The following MAPK8IP1 variants were observed in gnomAD, a reference collection of about 807,000 sequenced individuals.
MAPK8IP1 encodes mitogen-activated protein kinase 8 interacting protein 1, also known as C-Jun-amino-terminal kinase-interacting protein 1.
MAPK8IP1 carries 17 observed loss-of-function variants against 72.6 expected under a neutral mutation model. The observed-to-expected ratio is 0.23, with a 90% CI of 0.16 to 0.35. The LOEUF is 0.35. MAPK8IP1 is among the 10% of genes least tolerant of loss of function. The probability of loss-of-function intolerance (pLI) is 1.00; values close to 1 mark genes in which losing one functional copy is unlikely to be tolerated. For synonymous variants in MAPK8IP1, 401 were observed against 443.4 expected, an observed-to-expected ratio of 0.90 and a Z score of 1.20; for missense variants, 789 against 1,009.7, an observed-to-expected ratio of 0.78 and a Z score of 2.96.
chr11:45,887,815 C>T (rs2086538938), intron 1 of MAPK8IP1, among the ~76,000 whole-genome samples: 2 of 152,344 alleles, frequency 1.3e-5, no homozygotes, highest in African/African-American at 2.4e-5. Flanking sequence ...GAATAATAAG[C>T]GTCAGTGTCT....
rs760261941 is a variant in MAPK8IP1, at chr11:45,885,953, C to T, written c.101+32C>T. ...GTCCCCGGCCGCCGCGCGCCTCGCCCTTCAGCGGGGACTGATCCGCATTGG... is the reference window on the plus strand; with the variant it reads ...GTCCCCGGCCGCCGCGCGCCTCGCCTTTCAGCGGGGACTGATCCGCATTGG... On this transcript the variant is annotated intron_variant, in intron 1 of 11. Coordinates refer to ENST00000241014, the MANE Select transcript of MAPK8IP1 (RefSeq NM_005456.4). 5.7e-6 allele frequency: 8 copies of T among 1,407,152 alleles called. No individual in the cohort carries two copies. The African/African-American group carries it at 1.0e-4, about 18-fold the overall frequency. 87.2% of individuals were successfully genotyped at this position (1,407,152 alleles called of 1,614,324 possible).
chr11:45,895,632 A>AT (rs2086598672), intron 1 of MAPK8IP1, among the ~76,000 whole-genome samples: 7 of 28,600 alleles, frequency 2.4e-4, no homozygotes, highest in African/African-American at 5.4e-4. Context: ...AAAAAAAAAA[A>AT]AATATATATA....
chr11:45,888,037 G>A (rs2086540980), intron 1 of MAPK8IP1, among the ~76,000 whole-genome samples: 1 of 152,188 alleles, frequency 6.6e-6, no homozygotes, highest in Non-Finnish European at 1.5e-5. Context: ...GGGCACTTAA[G>A]CCCTCTGAGC....
Position 45,903,507 on chromosome 11 carries a change from T to A in MAPK8IP1, c.1493+67T>A. ...TGGGCCACACACCACCCTCTACTTG[T>A]CACCCCTACATGGCCTCAGCCTAAC... On this transcript the variant is annotated intron_variant, in intron 6 of 11. Coordinates refer to ENST00000241014, the MANE Select transcript of MAPK8IP1 (RefSeq NM_005456.4). The surrounding 1 kb of genome is among the most constrained non-coding windows in gnomAD (Gnocchi z 6.4). 1 of 1,376,910 alleles carries A rather than the reference T, an allele frequency of 7.3e-7. No individual in the cohort carries two copies. The highest frequency in any genetic ancestry group is 1.0e-6 in the Non-Finnish European group (1 of 990,194). The allele number at this position is 1,376,910 out of a possible 1,614,324, so 85.3% of individuals were successfully genotyped here.
In MAPK8IP1 at chr11:45,902,806, C is replaced by T. The variant is rs550165614; in HGVS notation, c.1039C>T (p.Pro347Ser). The T allele has an allele frequency of 2.5e-6, 4 of 1,586,002 alleles. No individual in the cohort carries two copies. Among genetic ancestry groups the T allele is most frequent in the Non-Finnish European group, 3.4e-6 (4 of 1,168,772 alleles). The change falls in exon 5 of 12, where the codon CCC (proline) becomes TCC (serine). Residue 347 changes from proline (P) to serine (S), a missense_variant. Coordinates refer to ENST00000241014, the MANE Select transcript of MAPK8IP1 (RefSeq NM_005456.4). The surrounding 1 kb of genome is among the most constrained non-coding windows in gnomAD (Gnocchi z 9.3). ...CCTGTCGTCCCCAGAGCGGGCTGAG[C>T]CCCCAGGCGGAGGGTGGCGGGGGAG... ...DCLSSPERAE[P>S]PGGGWRGSLG...
At chr11:45,897,424 G>C (rs1285533246) in intron 1 of MAPK8IP1, among the ~76,000 whole-genome samples, 2 of 152,198 alleles carry the variant, frequency 1.3e-5, no homozygotes, top group East Asian at 1.9e-4. Context: ...GGCTTCTCCT[G>C]ACCCCATCTG....
At position 45,900,503 on chromosome 11, in the gene MAPK8IP1, G is replaced by C. The variant is rs924407027; in HGVS notation, c.522+51G>C. 30 of 1,521,880 alleles carry C rather than the reference G, an allele frequency of 2.0e-5. No homozygotes were observed. The highest frequency in any genetic ancestry group is 2.3e-5 in the Non-Finnish European group (26 of 1,139,956). The allele number at this position is 1,521,880 out of a possible 1,614,324, so 94.3% of individuals were successfully genotyped here. A position where few individuals can be genotyped will look rare whatever the true frequency, so the allele number is the denominator to read the frequency against. On this transcript the variant is annotated intron_variant, in intron 3 of 11. Transcript: ENST00000241014. The surrounding 1 kb of genome is among the most constrained non-coding windows in gnomAD (Gnocchi z 6.5). Reference sequence around the variant, plus strand: ...GCCCTGGGCCGCCGCGGAGATGTGAGGGGGAGCGCAGAGGGGCTGCAGCGG... The same window carrying C: ...GCCCTGGGCCGCCGCGGAGATGTGACGGGGAGCGCAGAGGGGCTGCAGCGG...
chr11:45,905,414 G>A (rs555177351), intron 11 of MAPK8IP1, among the ~76,000 whole-genome samples, 165 bp downstream of exon 11: 45 of 152,348 alleles, frequency 3.0e-4, no homozygotes, highest in African/African-American at 1.0e-3. Flanking sequence ...TGGCGCGGCA[G>A]GGTGAGCCTG....
At chr11:45,896,873 G>T in intron 1 of MAPK8IP1, 1 of 1,552,322 alleles carries the variant, frequency 6.4e-7, no homozygotes, top group Non-Finnish European at 8.7e-7. Context: ...GCCGGGCAGG[G>T]CTCTCCATGC....
At position 45,904,411 on chromosome 11, in the gene MAPK8IP1, C is replaced by T. The variant is rs77705826; in HGVS notation, c.1667-44C>T. 1.4e-4 allele frequency: 212 copies of T among 1,528,466 alleles called. No individual in the cohort carries two copies. In the African/African-American group the frequency reaches 2.7e-3, roughly 20 times the overall value. The allele number at this position is 1,528,466 out of a possible 1,614,324, so 94.7% of individuals were successfully genotyped here. On this transcript the variant is annotated intron_variant, in intron 7 of 11. Transcript: ENST00000241014. This position sits in a 1 kb window ranked among gnomAD's most constrained non-coding sequence, Gnocchi z 6.4. ...CTCCTTCACTTGGCTGCTCAGCTCC[C>T]TCCTGCTCTTTCTGCCCCTCCTCAA...
Position 45,903,286 on chromosome 11 carries a change from G to A in MAPK8IP1, c.1418-79G>A. 8 of 1,586,360 alleles carry A rather than the reference G, an allele frequency of 5.0e-6. No homozygotes were observed. Among genetic ancestry groups the A allele is most frequent in the South Asian group, 1.1e-5 (1 of 90,162 alleles). On this transcript the variant is annotated intron_variant, in intron 5 of 11. Transcript: ENST00000241014. This position sits in a 1 kb window ranked among gnomAD's most constrained non-coding sequence, Gnocchi z 6.4. ...GGCGACCCCAGGCCCCATCTGGTTA[G>A]GACTGAGGCTTCTACCTGCCCCGCT... is the stretch of plus-strand genomic sequence containing the variant.
At chr11:45,905,521 T>G (rs947309667) in intron 11 of MAPK8IP1, 128 bp from the exon 12 acceptor site, 4 of 872,538 alleles carry the variant, frequency 4.6e-6, no homozygotes, top group Non-Finnish European at 7.8e-6. Context: ...CAGAGCCAAG[T>G]GGCCCCAGCC....
At chr11:45,898,008 C>A in intron 1 of MAPK8IP1, 77 bp from the exon 2 acceptor site, 1 of 886,662 alleles carries the variant, frequency 1.1e-6, no homozygotes, top group Non-Finnish European at 1.9e-6. Flanking sequence ...AGAGGCTGCA[C>A]CCTGGAAGAG....
chr11:45,901,922 C>T, intron 3 of MAPK8IP1, 58 bp from the exon 4 acceptor site: 1 of 1,375,730 alleles, frequency 7.3e-7, no homozygotes, highest in Non-Finnish European at 1.0e-6. Context: ...GCCGGGGCCT[C>T]CCTGTGCCGG....
chr11:45,893,575 C>T (rs908901145), intron 1 of MAPK8IP1, among the ~76,000 whole-genome samples: 1 of 152,216 alleles, frequency 6.6e-6, no homozygotes, highest in Non-Finnish European at 1.5e-5. Context: ...TCAAGGATCA[C>T]AGCATCCAGG....
chr11:45,886,375 C>G (rs1018559271), intron 1 of MAPK8IP1, among the ~76,000 whole-genome samples: 2 of 152,224 alleles, frequency 1.3e-5, no homozygotes, highest in Non-Finnish European at 2.9e-5. Context: ...GTTTGAGCCC[C>G]TCCCCGAGCC....
intron 1 of MAPK8IP1, chr11:45,897,050 G>A: frequency 7.8e-7 from 1 of 1,283,796 alleles, no homozygotes; most frequent in Non-Finnish European, 1.1e-6. Context: ...CAGGGAGTCT[G>A]GGCCTCCTAG....
Position 45,905,693 on chromosome 11 carries a change from G to T in MAPK8IP1, c.2108G>T (p.Cys703Phe), listed in dbSNP as rs751413728. 5.6e-6 allele frequency: 9 copies of T among 1,613,732 alleles called. No individual in the cohort carries two copies. In the South Asian group the frequency reaches 9.9e-5, roughly 18 times the overall value. Reference protein sequence around the residue: ...QFYKQFVEYTCPTEDIYLE With the variant: ...QFYKQFVEYTFPTEDIYLE ...TACAAGCAGTTTGTGGAGTACACCT[G>T]CCCCACAGAAGATATCTACCTGGAG... Residue 703 changes from cysteine to phenylalanine, a missense_variant, in exon 12 of 12, where the codon TGC becomes TTC. Transcript: ENST00000241014.
At chr11:45,897,791 C>A (rs1435357716) in intron 1 of MAPK8IP1, among the ~76,000 whole-genome samples, 1 of 152,206 alleles carries the variant, frequency 6.6e-6, no homozygotes, top group Admixed American at 6.5e-5. Flanking sequence ...ACCAGTTGGG[C>A]CTTCTAAGCA....
Sources: allele counts gnomAD v4.1 joint callset (sites outside exome capture counted in the v4.1 genomes callset), GRCh38; gene constraint gnomAD v4.1.1; non-coding constraint Gnocchi (gnomAD v3.1); transcripts MANE v1.5; gene names NCBI Gene and HGNC (gene_info 2026-07-23, HGNC 2026-07-21).